The following SLC9A7 variants were observed in gnomAD, a reference collection of about 807,000 sequenced individuals.
The protein encoded by SLC9A7 is solute carrier family 9 member A7.
SLC9A7 carries 19 observed loss-of-function variants against 52.6 expected under a neutral mutation model. That is an observed-to-expected ratio of 0.36 (90% confidence interval 0.25 to 0.53). The LOEUF (loss-of-function observed/expected upper bound fraction) is 0.53. SLC9A7 is among the 20% of genes least tolerant of loss of function. SLC9A7 has a pLI of 0.91. For synonymous variants in SLC9A7, 226 were observed against 252.1 expected (o/e 0.90, Z 0.98); for missense variants, 455 against 597.9 (o/e 0.76, Z 2.49).
At chrX:46,708,094 G>A (rs1052911143) in intron 1 of SLC9A7, among the ~76,000 whole-genome samples, 7 of 112,512 alleles carry the variant, frequency 6.2e-5, no homozygotes, top group African/African-American at 2.3e-4. Flanking sequence ...AGGACTGCTT[G>A]AGCACAAGAG....
chrX:46,636,207 A>C (rs1203660657), intron 12 of SLC9A7, among the ~76,000 whole-genome samples: 1 of 111,434 alleles, frequency 9.0e-6, no homozygotes, highest in African/African-American at 3.3e-5. Context: ...AACTTCTGCT[A>C]TTCTCTTTAG....
chrX:46,628,403 G>A (rs1228545190), intron 14 of SLC9A7, among the ~76,000 whole-genome samples: 2 of 111,284 alleles, frequency 1.8e-5, no homozygotes, highest in Non-Finnish European at 3.8e-5. Flanking sequence ...TTTGTTTTTT[G>A]TTTTTTTTGT....
At chrX:46,746,841 C>T (rs1444605948) in intron 1 of SLC9A7, among the ~76,000 whole-genome samples, 1 of 112,549 alleles carries the variant, frequency 8.9e-6, no homozygotes, top group Non-Finnish European at 1.9e-5. Context: ...ATGTGCACTC[C>T]TGTGTTTGTT....
intron 1 of SLC9A7, among the ~76,000 whole-genome samples, chrX:46,695,976 CTTATTTATTTAT>C (rs61703323): frequency 2.9e-5 from 3 of 104,549 alleles, no homozygotes; most frequent in East Asian, 3.0e-4. Context: ...TATATTTTTA[CTTATTTATTTAT>C]TTATTTATTT....
At chrX:46,633,791 C>A (rs1007914481) in intron 13 of SLC9A7, among the ~76,000 whole-genome samples, 2 of 109,903 alleles carry the variant, frequency 1.8e-5, no homozygotes, top group Admixed American at 9.7e-5. Flanking sequence ...CCTGACTCAG[C>A]CTCCCGAGCA....
rs1334017810 is a variant in SLC9A7, at chrX:46,604,393, T to C, written c.*2559A>G. On this transcript the variant is annotated 3_prime_UTR_variant, in exon 17 of 17. Transcript: ENST00000616978. ...CATAAAATCAAAATGGACTTTATTG[T>C]AGATAAAAAGGAAAGAGGAGAATAA... The C allele has an allele frequency of 9.0e-6, 1 of 111,640 alleles. No homozygotes were observed. The highest frequency in any genetic ancestry group is 1.9e-5 in the Non-Finnish European group (1 of 53,140). 9.2% of individuals were successfully genotyped at this position (111,640 alleles called of 1,213,427 possible).
At chrX:46,715,454 T>G (rs1477891480) in intron 1 of SLC9A7, among the ~76,000 whole-genome samples, 1 of 111,752 alleles carries the variant, frequency 8.9e-6, no homozygotes. Context: ...TTCCTGGAAA[T>G]GGTCACAAAA....
At chrX:46,692,155 A>T (rs1944389106) in intron 1 of SLC9A7, among the ~76,000 whole-genome samples, 1 of 111,421 alleles carries the variant, frequency 9.0e-6, no homozygotes. Flanking sequence ...CAACCTTACT[A>T]TTAAAAATTC....
Position 46,599,315 on chromosome X carries a change from G to GTAGTT in SLC9A7, c.*7632_*7636dup, listed in dbSNP as rs1556031394. 8.9e-6 allele frequency: 1 copy of GTAGTT among 111,760 alleles called. No individual in the cohort carries two copies. Among genetic ancestry groups the GTAGTT allele is most frequent in the Non-Finnish European group, 1.9e-5 (1 of 53,217 alleles). 9.2% of individuals were successfully genotyped at this position (111,760 alleles called of 1,213,427 possible). On this transcript the variant is annotated 3_prime_UTR_variant, in exon 17 of 17. Transcript: ENST00000616978. Reference sequence around the variant, plus strand: ...GCTGGACTTGGTTCAGGAGCCAGCTGTAGTTTGCCAACCCCAGGCCTAAAG... The same window carrying GTAGTT: ...GCTGGACTTGGTTCAGGAGCCAGCTGTAGTTTAGTTTGCCAACCCCAGGCCTAAAG...
At chrX:46,699,274 T>C (rs1944493386) in intron 1 of SLC9A7, among the ~76,000 whole-genome samples, 1 of 112,131 alleles carries the variant, frequency 8.9e-6, no homozygotes, top group Non-Finnish European at 1.9e-5. Flanking sequence ...GTAGTTATAT[T>C]GCGCCATGAA....
chrX:46,722,831 G>T (rs1388222562), intron 1 of SLC9A7, among the ~76,000 whole-genome samples: 1 of 111,948 alleles, frequency 8.9e-6, no homozygotes, highest in African/African-American at 3.3e-5. Context: ...TAAGCAGCAG[G>T]TAACGTTCTG....
In SLC9A7 at chrX:46,653,553, C is replaced by T. The variant is rs1325778284; in HGVS notation, c.1147+56G>A. 40 of 837,281 alleles carry T rather than the reference C, an allele frequency of 4.8e-5. No homozygotes were observed. The East Asian group carries it at 9.8e-4, about 21-fold the overall frequency. The allele number at this position is 837,281 out of a possible 1,213,427, so 69.0% of individuals were successfully genotyped here. ...AAGAATTCTTCCCTTCCTTCAAGTT[C>T]CCACAGACCCCACTACAGTGAGGGG... On this transcript the variant is annotated intron_variant, in intron 8 of 16. Coordinates refer to ENST00000616978, the MANE Select transcript of SLC9A7 (RefSeq NM_001257291.2).
chrX:46,688,181 A>C (rs1409989206), intron 1 of SLC9A7, among the ~76,000 whole-genome samples: 1 of 112,293 alleles, frequency 8.9e-6, no homozygotes, highest in African/African-American at 3.2e-5. Flanking sequence ...ATTTCCCTAG[A>C]GTAGATACCT....
intron 1 of SLC9A7, among the ~76,000 whole-genome samples, chrX:46,748,965 CA>C (rs1024314352): frequency 3.5e-4 from 37 of 105,269 alleles, no homozygotes; most frequent in South Asian, 1.2e-3. Flanking sequence ...TATATTTTAC[CA>C]AAAAAAAAAT....
intron 1 of SLC9A7, among the ~76,000 whole-genome samples, chrX:46,748,360 AAAGAAAGGAAGGAAGGAAGGAAGGAAGG>A (rs1199623030): frequency 1.4e-4 from 7 of 49,346 alleles, no homozygotes; most frequent in Non-Finnish European, 1.1e-4. Flanking sequence ...AAAAAAAAAG[AAAGAAAGGAAGGAAGGAAGGAAGGAAGG>A]AAGGAAGGAA....
At chrX:46,646,286 A>G (rs1319649343) in intron 11 of SLC9A7, among the ~76,000 whole-genome samples, 1 of 110,982 alleles carries the variant, frequency 9.0e-6, no homozygotes, top group Non-Finnish European at 1.9e-5. Flanking sequence ...GCAGGTCCTC[A>G]GTACACAAAG....
chrX:46,645,388 G>A (rs1943473167), intron 11 of SLC9A7, among the ~76,000 whole-genome samples: 1 of 111,549 alleles, frequency 9.0e-6, no homozygotes, highest in South Asian at 3.7e-4. Context: ...CTTCTCTGAG[G>A]TCTCCACTCT....
At chrX:46,621,610 G>A (rs1287313868) in intron 14 of SLC9A7, among the ~76,000 whole-genome samples, 1 of 110,905 alleles carries the variant, frequency 9.0e-6, no homozygotes, top group African/African-American at 3.3e-5. Flanking sequence ...GGGATCAGTG[G>A]GCAGGAGAAA....
At chrX:46,715,844 G>A (rs1944760695) in intron 1 of SLC9A7, among the ~76,000 whole-genome samples, 1 of 111,877 alleles carries the variant, frequency 8.9e-6, no homozygotes, top group Non-Finnish European at 1.9e-5. Context: ...GCTAATGTAA[G>A]TGTTCTGAGC....
Sources: gnomAD v4.1 joint callset for allele counts (sites outside exome capture counted in the v4.1 genomes callset) on GRCh38, gnomAD v4.1.1 for gene constraint, MANE v1.5 for transcripts, NCBI Gene and HGNC (gene_info 2026-07-23, HGNC 2026-07-21) for gene names.